The following PIH1D2 variants were observed in gnomAD, a reference collection of about 807,000 sequenced individuals.
PIH1D2 encodes PIH1 domain containing 2, also known as PIH1 domain-containing protein 2.
Under a neutral mutation model 31.2 loss-of-function variants are expected in PIH1D2, and 25 were observed. The observed-to-expected ratio is 0.80, with a 90% CI of 0.58 to 1.12. PIH1D2 has a LOEUF of 1.12. PIH1D2 is among the 50% of genes most tolerant of loss of function. PIH1D2 has a pLI of 0.00. For missense variants in PIH1D2, 310 were observed against 356.6 expected (o/e 0.87, Z 1.05); for synonymous variants, 116 against 119.9 (o/e 0.97, Z 0.21).
Position 112,073,180 on chromosome 11 carries a change from A to T in PIH1D2, c.-6T>A. 1 of 1,577,188 alleles carries T rather than the reference A, an allele frequency of 6.3e-7. No homozygotes were observed. The highest frequency in any genetic ancestry group is 8.6e-7 in the Non-Finnish European group (1 of 1,157,020). On this transcript the variant is annotated 5_prime_UTR_variant, in exon 2 of 6. Transcript: ENST00000280350. Reference sequence around the variant, plus strand: ...CCTTTTGAGGATGTCTCCATGACTTATGAGTGGTGAATAATTTTCTTAAGC... The same window carrying T: ...CCTTTTGAGGATGTCTCCATGACTTTTGAGTGGTGAATAATTTTCTTAAGC...
At chr11:112,062,019 C>T (rs1864663131), downstream of PIH1D2, among the ~76,000 whole-genome samples, 1 of 152,040 alleles carries the variant, frequency 6.6e-6, no homozygotes, top group Non-Finnish European at 1.5e-5. Flanking sequence ...GGTGGAAAGC[C>T]TTATTTATTC....
chr11:112,073,186 G>A lies in PIH1D2; in HGVS notation c.-12C>T. ...GAGGATGTCTCCATGACTTATGAGT[G>A]GTGAATAATTTTCTTAAGCCTGTGG... On this transcript the variant is annotated 5_prime_UTR_variant, in exon 2 of 6. Coordinates refer to ENST00000280350, the MANE Select transcript of PIH1D2 (RefSeq NM_138789.4). 1.3e-6 allele frequency: 2 copies of A among 1,564,324 alleles called. No homozygotes were observed. Among genetic ancestry groups the A allele is most frequent in the Non-Finnish European group, 1.7e-6 (2 of 1,149,344 alleles).
chr11:112,066,873 G>C (rs587654557), downstream of PIH1D2, among the ~76,000 whole-genome samples: 1 of 151,990 alleles, frequency 6.6e-6, no homozygotes, highest in Admixed American at 6.5e-5. Flanking sequence ...GACCAGCCTG[G>C]CCAACATGGT....
downstream of PIH1D2, among the ~76,000 whole-genome samples, chr11:112,058,279 C>T (rs1864237605): frequency 6.6e-6 from 1 of 152,142 alleles, no homozygotes; most frequent in Non-Finnish European, 1.5e-5. Flanking sequence ...TTCAAGAAAG[C>T]AGTATTTGCT....
chr11:112,073,901 A>G (rs7924616), intron 1 of PIH1D2, 79 bp downstream of exon 1: 12,358 of 153,416 alleles, frequency 0.081, 1,463 homozygotes, highest in African/African-American at 0.26. Context: ...TAACTAACGG[A>G]TAATCATTCC....
intron 5 of PIH1D2, chr11:112,069,651 A>T (rs1383974503): frequency 6.6e-6 from 1 of 152,188 alleles, no homozygotes; most frequent in African/African-American, 2.4e-5. Flanking sequence ...GACTGAAGCT[A>T]AAGGTCGTGG....
downstream of PIH1D2, among the ~76,000 whole-genome samples, chr11:112,066,868 GC>G (rs1864941566): frequency 1.3e-5 from 2 of 152,098 alleles, no homozygotes; most frequent in Non-Finnish European, 2.9e-5. Context: ...TTCAAGACCA[GC>G]CTGGCCAACA....
intron 4 of PIH1D2, 131 bp from the exon 5 acceptor site, chr11:112,070,832 C>A: frequency 8.0e-7 from 1 of 1,254,882 alleles, no homozygotes; most frequent in Non-Finnish European, 1.1e-6. Flanking sequence ...GGAATCAAGC[C>A]AAAAGAATCT....
rs889282074 is a variant in PIH1D2, at chr11:112,071,060, A to G, written c.525T>C (p.Asp175=). ...NLMGIQTDSI[D]LREKMRRELT... Reference sequence around the variant, plus strand: ...TACCCCTTCTCATTTTTTCTCTTAAATCTATGGAATCAGTTTGGATTCCCA... The same window carrying G: ...TACCCCTTCTCATTTTTTCTCTTAAGTCTATGGAATCAGTTTGGATTCCCA... The change falls in exon 4 of 6, where the codon GAT becomes GAC. Residue 175 remains aspartate, a synonymous_variant. Transcript: ENST00000280350. 2 of 1,612,732 alleles carry G rather than the reference A, an allele frequency of 1.2e-6. No individual in the cohort carries two copies. Among genetic ancestry groups the G allele is most frequent in the Non-Finnish European group, 1.7e-6 (2 of 1,179,606 alleles).
At chr11:112,057,295 G>T in the PIH1D2 span, among the ~76,000 whole-genome samples, 1 of 152,114 alleles carries the variant, frequency 6.6e-6, no homozygotes, top group Non-Finnish European at 1.5e-5. Context: ...CTCTACAATG[G>T]CCTCTGAGTG....
downstream of PIH1D2, chr11:112,062,296 GA>G (rs1304967237): frequency 7.0e-6 from 8 of 1,141,414 alleles, no homozygotes; most frequent in Non-Finnish European, 1.0e-5. Context: ...GAGTAGATAG[GA>G]AGTATTACCT....
chr11:112,062,112 A>G (rs1370070511), downstream of PIH1D2, among the ~76,000 whole-genome samples: 3 of 152,154 alleles, frequency 2.0e-5, no homozygotes, highest in East Asian at 5.8e-4. Flanking sequence ...TGTTGCAAAT[A>G]ATCTGCCATT....
chr11:112,058,941 TTGAG>T (rs1322792075), downstream of PIH1D2, among the ~76,000 whole-genome samples: 1 of 152,106 alleles, frequency 6.6e-6, no homozygotes, highest in Non-Finnish European at 1.5e-5. Context: ...TTCTAGTAAT[TTGAG>T]TATTTTCAGT....
chr11:112,070,929 T>G, intron 4 of PIH1D2, 109 bp downstream of exon 4: 2 of 1,326,640 alleles, frequency 1.5e-6, no homozygotes, highest in Non-Finnish European at 2.0e-6. Context: ...CATTTTTCTA[T>G]CTTAAGTTTT....
At chr11:112,054,603 CTT>C in the PIH1D2 span, among the ~76,000 whole-genome samples, 1 of 152,196 alleles carries the variant, frequency 6.6e-6, no homozygotes, top group Non-Finnish European at 1.5e-5. Context: ...TGGGTAAACT[CTT>C]TGTTCTAACT....
At chr11:112,061,406 A>G (rs1864614695), downstream of PIH1D2, 2 of 514,038 alleles carry the variant, frequency 3.9e-6, no homozygotes, top group South Asian at 2.2e-5. Flanking sequence ...CTTCATTCAC[A>G]TGGATCCAGT....
downstream of PIH1D2, among the ~76,000 whole-genome samples, chr11:112,067,555 C>T (rs1409524378): frequency 2.1e-5 from 3 of 146,092 alleles, no homozygotes; most frequent in Non-Finnish European, 3.0e-5. Flanking sequence ...ATCCCAGCTA[C>T]TCGGGAGGCT....
intron 5 of PIH1D2, 85 bp downstream of exon 5, chr11:112,070,351 A>C: frequency 6.8e-7 from 1 of 1,480,852 alleles, no homozygotes; most frequent in African/African-American, 1.4e-5. Flanking sequence ...TAAGCCCCTG[A>C]AATTATGTAG....
downstream of PIH1D2, chr11:112,062,274 A>C: frequency 1.1e-6 from 1 of 951,460 alleles, no homozygotes; most frequent in South Asian, 1.5e-5. Flanking sequence ...CTAAAGGTAT[A>C]GGAGACTGGA....
Sources: gnomAD v4.1 joint callset for allele counts (sites outside exome capture counted in the v4.1 genomes callset) on GRCh38, gnomAD v4.1.1 for gene constraint, MANE v1.5 for transcripts, NCBI Gene and HGNC (gene_info 2026-07-23, HGNC 2026-07-21) for gene names.